Variants in CPB1 observed in about 807,000 individuals in gnomAD.
The protein encoded by CPB1 is carboxypeptidase B.
In CPB1, 53 loss-of-function variants were observed where a neutral mutation model predicts 51.4. The ratio of observed to expected loss-of-function variants is 1.03; its 90% CI spans 0.83 to 1.30. CPB1 has a LOEUF of 1.30. Ranked by LOEUF, CPB1 falls within the 50% of genes most tolerant of loss-of-function variation. The probability of loss-of-function intolerance (pLI) is 0.00; values close to 1 mark genes in which losing one functional copy is unlikely to be tolerated. For missense variants in CPB1, 494 were observed against 516.2 expected (o/e 0.96, Z 0.42); for synonymous variants, 189 against 186.9 (o/e 1.01, Z -0.09).
intron 9 of CPB1, chr3:148,856,272 C>T (rs1158263078): frequency 6.6e-6 from 1 of 152,158 alleles, no homozygotes; most frequent in Non-Finnish European, 1.5e-5. Context: ...TAATGAGTTA[C>T]ATTTAATAAC....
rs781566449 is a variant in CPB1 at position 148,834,493 on chromosome 3, T to C, written c.148-5T>C. On this transcript the variant is annotated splice_region_variant and splice_polypyrimidine_tract_variant and intron_variant, in intron 2 of 10. Transcript: ENST00000282957. ...GGTATCCAATATATCTTGTCCTTTA[T>C]TCAGATTGACTTCTGGAAGCCAGAT... is the stretch of plus-strand genomic sequence containing the variant. 1 of 1,613,028 alleles carries C rather than the reference T, an allele frequency of 6.2e-7. No individual in the cohort carries two copies. The highest frequency in any genetic ancestry group is 8.5e-7 in the Non-Finnish European group (1 of 1,179,032).
chr3:148,838,483 T>C (rs967259043), intron 3 of CPB1: 1 of 152,270 alleles, frequency 6.6e-6, no homozygotes, highest in Admixed American at 6.5e-5. Context: ...TCGGTTGATT[T>C]TTTTGTTTGT....
chr3:148,829,871 T>G (rs1712682200), intron 2 of CPB1, among the ~76,000 whole-genome samples: 1 of 152,092 alleles, frequency 6.6e-6, no homozygotes, highest in African/African-American at 2.4e-5. Context: ...TTGCATAAGT[T>G]TACTCAACTA....
chr3:148,857,647 C>A, intron 10 of CPB1, 106 bp downstream of exon 10: 2 of 645,438 alleles, frequency 3.1e-6, no homozygotes, highest in Non-Finnish European at 4.9e-6. Context: ...TGGCTTTTGC[C>A]TCACAGCAAA....
At chr3:148,858,412 A>T (rs1016960077) in intron 10 of CPB1, among the ~76,000 whole-genome samples, 1 of 152,002 alleles carries the variant, frequency 6.6e-6, no homozygotes, top group Non-Finnish European at 1.5e-5. Flanking sequence ...CTCTACTAAA[A>T]ATACAAAAAA....
intron 2 of CPB1, among the ~76,000 whole-genome samples, chr3:148,828,803 T>C (rs2108009234): frequency 6.6e-6 from 1 of 152,088 alleles, no homozygotes; most frequent in East Asian, 1.9e-4. Context: ...CACACACACA[T>C]ATACATACAT....
chr3:148,859,803 T>G lies in CPB1; in HGVS notation c.1067-12T>G. On this transcript the variant is annotated splice_polypyrimidine_tract_variant and intron_variant, in intron 10 of 10. Coordinates refer to ENST00000282957, the MANE Select transcript of CPB1 (RefSeq NM_001871.3). The stretch of plus-strand genomic sequence containing the variant: ...TTTAAAGTTTTTTTTCACTGCTGTT[T>G]GCACATTTCAGATCCTGCTGCTGGG... The G allele has an allele frequency of 6.2e-7, 1 of 1,601,258 alleles. No homozygotes were observed. Among genetic ancestry groups the G allele is most frequent in the Non-Finnish European group, 8.5e-7 (1 of 1,172,964 alleles).
chr3:148,845,895 T>G (rs745455567), intron 9 of CPB1, among the ~76,000 whole-genome samples: 8 of 152,176 alleles, frequency 5.3e-5, no homozygotes, highest in African/African-American at 1.7e-4. Context: ...TTCACCACAA[T>G]GCTGACTTAC....
At chr3:148,848,654 G>A (rs1016995598) in intron 9 of CPB1, among the ~76,000 whole-genome samples, 2 of 152,122 alleles carry the variant, frequency 1.3e-5, no homozygotes, top group African/African-American at 4.8e-5. Context: ...TCTGAGTCAT[G>A]ATAAAAATGT....
intron 3 of CPB1, among the ~76,000 whole-genome samples, chr3:148,836,099 G>A (rs1472707843): frequency 6.6e-6 from 1 of 151,128 alleles, no homozygotes; most frequent in Admixed American, 6.6e-5. Flanking sequence ...ATTACAACTG[G>A]TATTATATTG....
chr3:148,847,914 A>G (rs1713304004), intron 9 of CPB1, among the ~76,000 whole-genome samples: 1 of 152,190 alleles, frequency 6.6e-6, no homozygotes, highest in African/African-American at 2.4e-5. Flanking sequence ...TTAATTTCCA[A>G]TAATTTTCTC....
chr3:148,832,591 G>T (rs190164173), intron 2 of CPB1, among the ~76,000 whole-genome samples: 1 of 152,280 alleles, frequency 6.6e-6, no homozygotes, highest in Admixed American at 6.5e-5. Context: ...GACAACTGGC[G>T]GTAAACCCAC....
chr3:148,841,318 T>C (rs1713073179), intron 5 of CPB1, among the ~76,000 whole-genome samples: 1 of 152,242 alleles, frequency 6.6e-6, no homozygotes, highest in Non-Finnish European at 1.5e-5. Flanking sequence ...ATAAACTTCA[T>C]GTCTATCAGA....
chr3:148,852,560 C>T (rs796553398), intron 9 of CPB1, among the ~76,000 whole-genome samples: 8 of 152,320 alleles, frequency 5.3e-5, no homozygotes, highest in African/African-American at 1.9e-4. Flanking sequence ...ACTTTCTTCA[C>T]AAAACTTTAC....
rs534188248 is a variant in CPB1, at chr3:148,836,666, T to C, written c.272+2044T>C. Among the ~76,000 whole-genome samples, 32 of 152,338 alleles carry C rather than the reference T, an allele frequency of 2.1e-4. No individual in the cohort carries two copies. The South Asian group carries it at 6.6e-3, about 32-fold the overall frequency. ...ACATCCCCTGAGGGCTAAGAGCTTG[T>C]TAATTTTTGCTTCGCTGTTCACTGC... On this transcript the variant is annotated intron_variant, in intron 3 of 10. Transcript: ENST00000282957.
chr3:148,857,400 AT>A, intron 9 of CPB1, 56 bp from the exon 10 acceptor site: 1 of 1,323,884 alleles, frequency 7.6e-7, no homozygotes, highest in South Asian at 1.2e-5. Flanking sequence ...TGTACAGGGC[AT>A]TTGTTTGGCA....
At chr3:148,849,962 C>G (rs889755344) in intron 9 of CPB1, among the ~76,000 whole-genome samples, 4 of 152,094 alleles carry the variant, frequency 2.6e-5, no homozygotes, top group African/African-American at 9.7e-5. Context: ...CCCCATATAA[C>G]TGCTTTGCAG....
At chr3:148,845,274 T>C (rs972433830) in intron 8 of CPB1, 150 bp from the exon 9 acceptor site, 1 of 596,432 alleles carries the variant, frequency 1.7e-6, no homozygotes, top group Non-Finnish European at 2.9e-6. Context: ...AATGGATATT[T>C]TACTATATAA....
At chr3:148,859,061 A>G (rs1303864902) in intron 10 of CPB1, among the ~76,000 whole-genome samples, 1 of 152,192 alleles carries the variant, frequency 6.6e-6, no homozygotes, top group Admixed American at 6.5e-5. Context: ...GAGATAGCCC[A>G]CCTATTTATA....
Sources: gnomAD v4.1 joint callset for allele counts (sites outside exome capture counted in the v4.1 genomes callset) on GRCh38, gnomAD v4.1.1 for gene constraint, MANE v1.5 for transcripts, NCBI Gene and HGNC (gene_info 2026-07-23, HGNC 2026-07-21) for gene names.